Variants in KMT5A observed in about 807,000 individuals in gnomAD.
KMT5A encodes the protein lysine methyltransferase 5A, also known as N-lysine methyltransferase KMT5A.
A neutral mutation model predicts 40.6 loss-of-function variants in KMT5A; 6 were observed. The ratio of observed to expected loss-of-function variants is 0.15; its 90% CI spans 0.08 to 0.29. The LOEUF is 0.29. Among genes scored for constraint, KMT5A ranks in the 10% least tolerant of loss-of-function variants. KMT5A has a pLI of 1.00. For synonymous variants in KMT5A, 153 were observed against 178.8 expected (o/e 0.86, Z 1.15); for missense variants, 308 against 459.1 (o/e 0.67, Z 3.01).
intron 5 of KMT5A, among the ~76,000 whole-genome samples, chr12:123,402,747 GTATTGA>G (rs1878271191): frequency 6.6e-6 from 1 of 152,168 alleles, no homozygotes; most frequent in African/African-American, 2.4e-5. Flanking sequence ...GTTCAGGTCT[GTATTGA>G]CCCTCGGGAT....
rs577816820 is a variant in KMT5A, at chr12:123,396,326, C to G, written c.510-19C>G. ...TTTCAGTCCTGATATTTATTTTCTC[C>G]TCTTCCCCTCTTACCCAGAGCTCAA... On this transcript the variant is annotated intron_variant, in intron 4 of 7. Coordinates refer to ENST00000402868, the MANE Select transcript of KMT5A (RefSeq NM_020382.7). 6.2e-7 allele frequency: 1 copy of G among 1,611,426 alleles called. No individual in the cohort carries two copies. Among genetic ancestry groups the G allele is most frequent in the South Asian group, 1.1e-5 (1 of 90,962 alleles).
At chr12:123,403,470 G>A (rs561090862) in intron 5 of KMT5A, 103 bp from the exon 6 acceptor site, 14 of 1,275,014 alleles carry the variant, frequency 1.1e-5, no homozygotes, top group Middle Eastern at 1.9e-4. Flanking sequence ...GCCGATTGTG[G>A]CCCGGTGGGC....
rs200862511 is a variant in KMT5A at position 123,384,251 on chromosome 12, G to T, written c.10+43G>T. 1.9e-6 allele frequency: 3 copies of T among 1,609,822 alleles called. No homozygotes were observed. The highest frequency in any genetic ancestry group is 2.7e-5 in the African/African-American group (2 of 74,988). On this transcript the variant is annotated intron_variant, in intron 1 of 7. Transcript: ENST00000402868. The surrounding 1 kb of genome is among the most constrained non-coding windows in gnomAD (Gnocchi z 5.7). ...CGGCACCGGAGCGGCTGGGTCGGGGGTCGTGCTGGAGGGGTTGCCGGGGTG... is the reference window on the plus strand; with the variant it reads ...CGGCACCGGAGCGGCTGGGTCGGGGTTCGTGCTGGAGGGGTTGCCGGGGTG...
intron 2 of KMT5A, chr12:123,390,089 C>T (rs1877179670): frequency 2.1e-6 from 1 of 469,238 alleles, no homozygotes; most frequent in African/African-American, 2.0e-5. Flanking sequence ...TCCCCAGTCA[C>T]CCTGAGAGAA....
intron 2 of KMT5A, chr12:123,390,073 C>T: frequency 2.1e-6 from 1 of 469,028 alleles, no homozygotes; most frequent in Non-Finnish European, 4.4e-6. Flanking sequence ...CCTGCTCTTC[C>T]CAGATTCCCC....
intron 6 of KMT5A, among the ~76,000 whole-genome samples, 165 bp from the exon 7 acceptor site, chr12:123,404,719 A>C (rs1358513448): frequency 6.6e-6 from 1 of 152,176 alleles, no homozygotes; most frequent in Non-Finnish European, 1.5e-5. Flanking sequence ...AGCTGTATAC[A>C]CTTCATAAAA....
intron 5 of KMT5A, among the ~76,000 whole-genome samples, chr12:123,400,549 CAG>C (rs980287146): frequency 6.6e-5 from 10 of 151,840 alleles, no homozygotes; most frequent in African/African-American, 2.4e-4. Flanking sequence ...TTAGTAGAGA[CAG>C]AGTTTCACCA....
At position 123,408,075 on chromosome 12, in the gene KMT5A, G is replaced by A. The variant is rs914246372; in HGVS notation, c.*372G>A. On this transcript the variant is annotated 3_prime_UTR_variant, in exon 8 of 8. Transcript: ENST00000402868. ...GTCTCCTTTCTCCAGTGGAAGAGCCGGGACCTTCCCCCTGCACCCCCGACA... is the reference window on the plus strand; with the variant it reads ...GTCTCCTTTCTCCAGTGGAAGAGCCAGGACCTTCCCCCTGCACCCCCGACA... 2 of 227,310 alleles carry A rather than the reference G, an allele frequency of 8.8e-6. No homozygotes were observed. The highest frequency in any genetic ancestry group is 1.2e-4 in the South Asian group (2 of 17,174). The allele number at this position is 227,310 out of a possible 1,614,324, so 14.1% of individuals were successfully genotyped here.
intron 7 of KMT5A, among the ~76,000 whole-genome samples, chr12:123,406,093 A>T (rs1878530593): frequency 6.6e-6 from 1 of 152,164 alleles, no homozygotes; most frequent in Non-Finnish European, 1.5e-5. Context: ...TGCTGGGATT[A>T]CAGGCATGAG....
Position 123,390,793 on chromosome 12 carries a change from T to C in KMT5A, c.289+7T>C. On this transcript the variant is annotated splice_region_variant and intron_variant, in intron 3 of 7. Transcript: ENST00000402868. ...ATCTACAGGAAACGAGAAGGTAAGCTTTTGAAATGGCCTCGTTCTGATCCC... is the reference window on the plus strand; with the variant it reads ...ATCTACAGGAAACGAGAAGGTAAGCCTTTGAAATGGCCTCGTTCTGATCCC... 6.2e-7 allele frequency: 1 copy of C among 1,613,682 alleles called. No individual in the cohort carries two copies. The highest frequency in any genetic ancestry group is 8.5e-7 in the Non-Finnish European group (1 of 1,179,694).
chr12:123,392,637 C>G (rs570220986), intron 3 of KMT5A, among the ~76,000 whole-genome samples: 1 of 152,212 alleles, frequency 6.6e-6, no homozygotes, highest in South Asian at 2.1e-4. Flanking sequence ...GCACTCCAAC[C>G]TGGGGAACAG....
At chr12:123,406,913 G>T (rs1456336221) in intron 7 of KMT5A, among the ~76,000 whole-genome samples, 1 of 151,828 alleles carries the variant, frequency 6.6e-6, no homozygotes, top group African/African-American at 2.4e-5. Flanking sequence ...CAGTGACTCA[G>T]GAGGCTGAGG....
At chr12:123,400,784 T>C (rs567422886) in intron 5 of KMT5A, among the ~76,000 whole-genome samples, 1 of 152,236 alleles carries the variant, frequency 6.6e-6, no homozygotes, top group South Asian at 2.1e-4. Context: ...CCAACATTGG[T>C]ATATTACTGT....
Position 123,408,779 on chromosome 12 carries a change from A to C in KMT5A, c.*1076A>C, listed in dbSNP as rs1217022541. ...CCCAGTGTCCTCCTGCAAGGACGCA[A>C]CTGTGAGCTGAGGTGTGAGCCTAGG... On this transcript the variant is annotated 3_prime_UTR_variant, in exon 8 of 8. Coordinates refer to ENST00000402868, the MANE Select transcript of KMT5A (RefSeq NM_020382.7). 3 of 152,504 alleles carry C rather than the reference A, an allele frequency of 2.0e-5. No homozygotes were observed. Among genetic ancestry groups the C allele is most frequent in the Non-Finnish European group, 4.4e-5 (3 of 68,030 alleles). 9.4% of individuals were successfully genotyped at this position (152,504 alleles called of 1,614,324 possible).
intron 5 of KMT5A, 68 bp from the exon 6 acceptor site, chr12:123,403,505 G>T: frequency 1.3e-6 from 2 of 1,573,116 alleles, no homozygotes; most frequent in South Asian, 1.1e-5. Context: ...CAGGGCTCAA[G>T]ACCATCAAGC....
intron 3 of KMT5A, among the ~76,000 whole-genome samples, chr12:123,394,746 TCAAG>T (rs979720417): frequency 6.6e-6 from 1 of 152,188 alleles, no homozygotes; most frequent in African/African-American, 2.4e-5. Flanking sequence ...AAGCTATTGA[TCAAG>T]CACCCTGCCA....
chr12:123,393,932 A>AT (rs987352099), intron 3 of KMT5A, among the ~76,000 whole-genome samples: 27 of 151,934 alleles, frequency 1.8e-4, no homozygotes, highest in Non-Finnish European at 2.1e-4. Flanking sequence ...TCCTGCATAG[A>AT]TTTTTTTGGG....
At chr12:123,386,835 G>A (rs1166959040) in intron 1 of KMT5A, among the ~76,000 whole-genome samples, 2 of 151,898 alleles carry the variant, frequency 1.3e-5, no homozygotes, top group South Asian at 2.1e-4. Flanking sequence ...GCACCTGGTG[G>A]GGGGGTCTCC....
rs1878787453 is a variant in KMT5A at position 123,408,811 on chromosome 12, G to A, written c.*1108G>A. ...GCTGAGGTGTGAGCCTAGGAGCCCA[G>A]GACCCCTGACCCCGGCCGCTGCTGC... On this transcript the variant is annotated 3_prime_UTR_variant, in exon 8 of 8. Transcript: ENST00000402868. 6.5e-6 allele frequency: 1 copy of A among 152,738 alleles called. No individual in the cohort carries two copies. The highest frequency in any genetic ancestry group is 1.5e-5 in the Non-Finnish European group (1 of 68,208). The allele number at this position is 152,738 out of a possible 1,614,324, so 9.5% of individuals were successfully genotyped here. A position where few individuals can be genotyped will look rare whatever the true frequency, so the allele number is the denominator to read the frequency against.
Sources: gnomAD v4.1 joint callset for allele counts (sites outside exome capture counted in the v4.1 genomes callset) on GRCh38, gnomAD v4.1.1 for gene constraint, Gnocchi (gnomAD v3.1) non-coding constraint, MANE v1.5 for transcripts, NCBI Gene and HGNC (gene_info 2026-07-23, HGNC 2026-07-21) for gene names.